Variants in DRC1 observed in about 807,000 individuals in gnomAD.
DRC1 encodes the protein dynein regulatory complex subunit 1, also known as dynein regulatory complex protein 1.
In DRC1, 74 loss-of-function variants were observed where a neutral mutation model predicts 98.7. That is an observed-to-expected ratio of 0.75 (90% CI 0.62 to 0.91). DRC1 has a LOEUF of 0.91. Ranked by LOEUF, DRC1 falls within the 40% of genes least tolerant of loss-of-function variation. The pLI is 0.00. For synonymous variants in DRC1, 336 were observed against 334.1 expected (o/e 1.01, Z -0.06); for missense variants, 875 against 886.0 (o/e 0.99, Z 0.16).
In DRC1 at chr2:26,423,163, G is replaced by A. The variant is rs78135650; in HGVS notation, c.357-1108G>A. Reference sequence around the variant, plus strand: ...GGTCAGCTTGTGAAAGGCAGGGAAGGTCATGCAAGGAGTTAGGCCTTGTCC... The same window carrying A: ...GGTCAGCTTGTGAAAGGCAGGGAAGATCATGCAAGGAGTTAGGCCTTGTCC... On this transcript the variant is annotated intron_variant, in intron 3 of 16. Coordinates refer to ENST00000288710, the MANE Select transcript of DRC1 (RefSeq NM_145038.5). Among the ~76,000 whole-genome samples the A allele has an allele frequency of 1.4e-4, 21 of 152,278 alleles. No individual in the cohort carries two copies. In the South Asian group the frequency reaches 4.4e-3, roughly 32 times the overall value.
At chr2:26,408,452 C>T (rs532882923) in intron 1 of DRC1, among the ~76,000 whole-genome samples, 6 of 152,196 alleles carry the variant, frequency 3.9e-5, no homozygotes, top group South Asian at 2.1e-4. Context: ...CTGTGGAATC[C>T]GACCAGCCCC....
intron 1 of DRC1, among the ~76,000 whole-genome samples, chr2:26,405,992 TGTGCGTAA>T (rs1244777664): frequency 6.6e-6 from 1 of 152,118 alleles, no homozygotes; most frequent in African/African-American, 2.4e-5. Flanking sequence ...GGCCGCGCAT[TGTGCGTAA>T]GTGAGCTGGG....
At chr2:26,415,935 C>CAAAAA (rs59566642) in intron 2 of DRC1, among the ~76,000 whole-genome samples, 1 of 98,384 alleles carries the variant, frequency 1.0e-5, no homozygotes, top group Non-Finnish European at 2.2e-5. Flanking sequence ...CTTTCTCTTT[C>CAAAAA]AAAAAAAAAA....
chr2:26,454,565 G>T lies in DRC1; in HGVS notation c.1920-82G>T. 5.1e-6 allele frequency: 8 copies of T among 1,562,718 alleles called. No homozygotes were observed. Among genetic ancestry groups the T allele is most frequent in the South Asian group, 2.4e-5 (2 of 83,354 alleles). On this transcript the variant is annotated intron_variant, in intron 14 of 16. Transcript: ENST00000288710. This position sits in a 1 kb window ranked among gnomAD's most constrained non-coding sequence, Gnocchi z 5.2. Reference sequence around the variant, plus strand: ...GAGTGGGAAGGTGACAGGTGGGAAAGCAGTAGGCCTGTGACTGGCACTGCC... The same window carrying T: ...GAGTGGGAAGGTGACAGGTGGGAAATCAGTAGGCCTGTGACTGGCACTGCC...
chr2:26,402,802 A>G (rs1157584732), intron 1 of DRC1, among the ~76,000 whole-genome samples: 4 of 152,290 alleles, frequency 2.6e-5, no homozygotes, highest in African/African-American at 9.6e-5. Context: ...TCTGGAGCAC[A>G]CATGTCTTAC....
chr2:26,434,886 G>A (rs376255620), intron 7 of DRC1, among the ~76,000 whole-genome samples: 66 of 91,246 alleles, frequency 7.2e-4, no homozygotes, highest in African/African-American at 1.9e-3. Context: ...GCGAGACTCC[G>A]TCTCAAAAAA....
intron 2 of DRC1, among the ~76,000 whole-genome samples, chr2:26,418,893 TA>T (rs1314167215): frequency 7.1e-6 from 1 of 141,718 alleles, no homozygotes; most frequent in Non-Finnish European, 1.5e-5. Flanking sequence ...TATATTATAT[TA>T]TATATATATT....
At position 26,421,093 on chromosome 2, in the gene DRC1, G is replaced by A. The variant is rs181415008; in HGVS notation, c.244-195G>A. The A allele has an allele frequency of 6.2e-5, 27 of 435,858 alleles. No homozygotes were observed. The Admixed American group carries it at 7.5e-4, about 12-fold the overall frequency. 27.0% of individuals were successfully genotyped at this position (435,858 alleles called of 1,614,324 possible). On this transcript the variant is annotated intron_variant, in intron 2 of 16. Coordinates refer to ENST00000288710, the MANE Select transcript of DRC1 (RefSeq NM_145038.5). ...ACTGCAGAGTGCTTTTAAATTGTGAGCTGTAAAATCACATCACAAATGTCC... is the reference window on the plus strand; with the variant it reads ...ACTGCAGAGTGCTTTTAAATTGTGAACTGTAAAATCACATCACAAATGTCC...
intron 7 of DRC1, among the ~76,000 whole-genome samples, chr2:26,435,983 A>G (rs1572373170): frequency 6.6e-6 from 1 of 152,116 alleles, no homozygotes; most frequent in Non-Finnish European, 1.5e-5. Context: ...CAATAATGAG[A>G]TTGCTGGGTC....
At position 26,450,096 on chromosome 2, in the gene DRC1, C is replaced by A; in HGVS notation, c.1599+11C>A. The A allele has an allele frequency of 6.2e-7, 1 of 1,609,608 alleles. No homozygotes were observed. The highest frequency in any genetic ancestry group is 8.5e-7 in the Non-Finnish European group (1 of 1,178,172). ...GATGCCATCTTCTCCGTGAGTCCAA[C>A]GGGGCTGGGAGGACACGGGTGGGGC... On this transcript the variant is annotated intron_variant, in intron 12 of 16. Coordinates refer to ENST00000288710, the MANE Select transcript of DRC1 (RefSeq NM_145038.5).
At position 26,436,701 on chromosome 2, in the gene DRC1, A is replaced by G. The variant is rs1234852501; in HGVS notation, c.889-3677A>G. 2.6e-5 allele frequency among the ~76,000 whole-genome samples: 4 copies of G among 152,070 alleles called. No individual in the cohort carries two copies. The East Asian group carries it at 5.8e-4, about 22-fold the overall frequency. ...ATGGTAGAGCTTGCATTTATAGTTC[A>G]CATGCTCTTGTTGTATTGTAAATAT... On this transcript the variant is annotated intron_variant, in intron 7 of 16. Transcript: ENST00000288710.
At chr2:26,425,989 T>C (rs1663274384) in intron 4 of DRC1, among the ~76,000 whole-genome samples, 1 of 152,212 alleles carries the variant, frequency 6.6e-6, no homozygotes, top group Non-Finnish European at 1.5e-5. Flanking sequence ...CCAAATCCAA[T>C]GTGCAGAAAG....
In DRC1 at chr2:26,419,967, A is replaced by G. The variant is rs369868170; in HGVS notation, c.244-1321A>G. 5.9e-5 allele frequency among the ~76,000 whole-genome samples: 9 copies of G among 152,278 alleles called. No individual in the cohort carries two copies. The South Asian group carries it at 1.2e-3, about 21-fold the overall frequency. On this transcript the variant is annotated intron_variant, in intron 2 of 16. Transcript: ENST00000288710. The stretch of plus-strand genomic sequence containing the variant: ...ATCCATGTAATGAAAGACTCCACAT[A>G]TCATTAGCTGCAGCAGGACAGAAGC...
chr2:26,421,127 AAGGGTTGCTACAC>A, intron 2 of DRC1, 148 bp from the exon 3 acceptor site: 1 of 528,470 alleles, frequency 1.9e-6, no homozygotes. Flanking sequence ...CCTGATAGAA[AAGGGTTGCTACAC>A]AGAGGCTACT....
rs1663045810 is a variant in DRC1, at chr2:26,419,080, G to A, written c.244-2208G>A. ...AGTTTTATATTTTTAGTAGAGACGG[G>A]GTTTCACCATGTTGTTCAGGCTGGT... On this transcript the variant is annotated intron_variant, in intron 2 of 16. Transcript: ENST00000288710. Among the ~76,000 whole-genome samples, 6 of 151,458 alleles carry A rather than the reference G, an allele frequency of 4.0e-5. No homozygotes were observed. In the South Asian group the frequency reaches 1.3e-3, roughly 32 times the overall value.
rs561722736 is a variant in DRC1 at position 26,445,720 on chromosome 2, G to A, written c.1396+772G>A. 2.6e-5 allele frequency among the ~76,000 whole-genome samples: 4 copies of A among 152,104 alleles called. No individual in the cohort carries two copies. In the South Asian group the frequency reaches 6.2e-4, roughly 24 times the overall value. On this transcript the variant is annotated intron_variant, in intron 10 of 16. Coordinates refer to ENST00000288710, the MANE Select transcript of DRC1 (RefSeq NM_145038.5). ...TGTTGCCAGGCTGGATTGCAGTGGCGCGATCTGGGCTCACTGCAACCTCCG... is the reference window on the plus strand; with the variant it reads ...TGTTGCCAGGCTGGATTGCAGTGGCACGATCTGGGCTCACTGCAACCTCCG...
chr2:26,421,130 G>C, intron 2 of DRC1, 158 bp from the exon 3 acceptor site: 2 of 536,072 alleles, frequency 3.7e-6, no homozygotes, highest in South Asian at 2.2e-5. Flanking sequence ...GATAGAAAAG[G>C]GTTGCTACAC....
chr2:26,444,983 G>T, intron 10 of DRC1, 35 bp downstream of exon 10: 1 of 1,603,030 alleles, frequency 6.2e-7, no homozygotes, highest in Admixed American at 1.7e-5. Flanking sequence ...CTTAGAGCTG[G>T]AGGAGCCCCC....
chr2:26,436,731 A>G (rs758487298), intron 7 of DRC1, among the ~76,000 whole-genome samples: 1 of 152,214 alleles, frequency 6.6e-6, no homozygotes, highest in Non-Finnish European at 1.5e-5. Flanking sequence ...AAATATAAAA[A>G]CAATCCTATG....
Sources: gnomAD v4.1 joint callset for allele counts (sites outside exome capture counted in the v4.1 genomes callset) on GRCh38, gnomAD v4.1.1 for gene constraint, Gnocchi (gnomAD v3.1) non-coding constraint, MANE v1.5 for transcripts, NCBI Gene and HGNC (gene_info 2026-07-23, HGNC 2026-07-21) for gene names.